The following MYCBPAP variants were observed in gnomAD, a reference collection of about 807,000 sequenced individuals.
MYCBPAP encodes the protein MYCBP associated protein, also known as MYCBP-associated protein.
Under a neutral mutation model 106.1 loss-of-function variants are expected in MYCBPAP, and 60 were observed. The ratio of observed to expected loss-of-function variants is 0.57; its 90% confidence interval spans 0.46 to 0.70. The LOEUF (loss-of-function observed/expected upper bound fraction) is 0.70, where lower values mean the gene tolerates loss of function less well. Ranked by LOEUF, MYCBPAP falls within the 30% of genes least tolerant of loss-of-function variation. MYCBPAP has a pLI of 0.00. For missense variants in MYCBPAP, 1,064 were observed against 1,169.3 expected, an observed-to-expected ratio of 0.91 and a Z score of 1.31; for synonymous variants, 407 against 440.6, an observed-to-expected ratio of 0.92 and a Z score of 0.95.
chr17:50,524,905 C>G lies in MYCBPAP; in HGVS notation c.1664C>G (p.Thr555Ser). 1.2e-6 allele frequency: 2 copies of G among 1,613,972 alleles called. 1 individual carries two copies. The highest frequency in any genetic ancestry group is 2.2e-5 in the South Asian group (2 of 91,078). ...AAGCTGACTGCCCATGAGGCAGTCA[C>G]CGTCGTTCGCGAAGTGCTGCAGGAG... ...ESKLTAHEAVTVVREVLQELL... is the reference protein window; with the variant it reads ...ESKLTAHEAVSVVREVLQELL... The change falls in exon 13 of 19, where the codon ACC becomes AGC. Residue 555 changes from threonine to serine, a missense_variant. Coordinates refer to ENST00000323776, the MANE Select transcript of MYCBPAP (RefSeq NM_032133.6).
Position 50,510,511 on chromosome 17 carries a change from A to C in MYCBPAP, c.76+1761A>C, listed in dbSNP as rs756585852. ...TGTGTGTGTGTGTGTATATATATAT[A>C]TATATATATATATATATATATATAT... On this transcript the variant is annotated intron_variant, in intron 1 of 18. Coordinates refer to ENST00000323776, the MANE Select transcript of MYCBPAP (RefSeq NM_032133.6). 160 of 99,214 alleles carry C rather than the reference A, an allele frequency of 1.6e-3. 3 individuals are homozygous for C. Among genetic ancestry groups the C allele is most frequent in the African/African-American group, 7.8e-3 (152 of 19,514 alleles). The allele number at this position is 99,214 out of a possible 1,614,324, so 6.1% of individuals were successfully genotyped here. A position where few individuals can be genotyped will look rare whatever the true frequency, so the allele number is the denominator to read the frequency against.
intron 10 of MYCBPAP, 40 bp from the exon 11 acceptor site, chr17:50,522,899 G>T (rs1309273567): frequency 6.3e-7 from 1 of 1,588,564 alleles, no homozygotes. Flanking sequence ...TCTAGGCCAG[G>T]GTTTGCAGCA....
At position 50,527,333 on chromosome 17, in the gene MYCBPAP, T is replaced by C; in HGVS notation, c.2216T>C (p.Met739Thr). 6.2e-7 allele frequency: 1 copy of C among 1,614,082 alleles called. No homozygotes were observed. The change falls in exon 15 of 19, where the codon ATG becomes ACG. Residue 739 changes from methionine (M) to threonine (T), a missense_variant. Transcript: ENST00000323776. ...PDENHREDAL[M>T]RLNKAALELC... ...GAGAACCACAGAGAGGATGCGTTGA[T>C]GAGGCTCAACAAAGCAGCCCTGGAG...
Position 50,525,026 on chromosome 17 carries a change from G to A in MYCBPAP, c.1782+3G>A, listed in dbSNP as rs758986943. ...TGTTCCGGCACAGAAATCCTCCGGTGAGGCCCAGCGCCAGCCCCTGCCCCC... is the reference window on the plus strand; with the variant it reads ...TGTTCCGGCACAGAAATCCTCCGGTAAGGCCCAGCGCCAGCCCCTGCCCCC... On this transcript the variant is annotated splice_donor_region_variant and intron_variant, in intron 13 of 18. Coordinates refer to ENST00000323776, the MANE Select transcript of MYCBPAP (RefSeq NM_032133.6). The A allele has an allele frequency of 1.9e-6, 3 of 1,611,506 alleles. No homozygotes were observed. The highest frequency in any genetic ancestry group is 2.5e-6 in the Non-Finnish European group (3 of 1,178,532).
chr17:50,512,939 G>A (rs2033908036), intron 1 of MYCBPAP, among the ~76,000 whole-genome samples: 1 of 152,046 alleles, frequency 6.6e-6, no homozygotes, highest in African/African-American at 2.4e-5. Flanking sequence ...TTGGGCGGCC[G>A]GGTGCGGTGG....
chr17:50,511,862 C>G (rs1597818700), intron 1 of MYCBPAP, among the ~76,000 whole-genome samples: 1 of 152,098 alleles, frequency 6.6e-6, no homozygotes, highest in East Asian at 1.9e-4. Flanking sequence ...CCCTGGTCTC[C>G]CCAGCTTGCC....
intron 1 of MYCBPAP, among the ~76,000 whole-genome samples, chr17:50,515,192 A>G (rs2143914809): frequency 6.8e-6 from 1 of 146,776 alleles, no homozygotes; most frequent in South Asian, 2.1e-4. Flanking sequence ...TCCCTTCCTT[A>G]GGAAGCCCTC....
chr17:50,530,094 A>G, intron 18 of MYCBPAP: 4 of 359,628 alleles, frequency 1.1e-5, no homozygotes, highest in South Asian at 8.3e-5. Flanking sequence ...GCCACTGGTG[A>G]CATCACTAAG....
Position 50,527,290 on chromosome 17 carries a change from G to A in MYCBPAP, c.2173G>A (p.Val725Met), listed in dbSNP as rs1257769728. The change falls in exon 15 of 19, where the codon GTG becomes ATG. Residue 725 changes from valine (V) to methionine (M), a missense_variant. By Grantham distance (21) the Val-to-Met change is conservative (BLOSUM62 1). Transcript: ENST00000323776. ...NLCLEDFRKA[V>M]MVLPDENHRE... ...ATGGTGCCCATGACCCTGCCAGGCA[G>A]TGATGGTGCTCCCTGATGAGAACCA... 3.7e-6 allele frequency: 6 copies of A among 1,613,910 alleles called. No homozygotes were observed. The East Asian group carries it at 6.7e-5, about 18-fold the overall frequency.
At chr17:50,517,012 T>G (rs1323476372) in intron 2 of MYCBPAP, among the ~76,000 whole-genome samples, 1 of 152,182 alleles carries the variant, frequency 6.6e-6, no homozygotes, top group Non-Finnish European at 1.5e-5. Context: ...CAGCTCTGGG[T>G]AAAGCTGCTA....
In MYCBPAP at chr17:50,531,436, GC is replaced by G. The variant is rs780540500; in HGVS notation, c.*11del. ...TTGCGCCTCTGCAGGTGACTCTCGG[GC>G]CCAAGCAACCTTCTGGAAAACGGGT... On this transcript the variant is annotated 3_prime_UTR_variant, in exon 19 of 19. Coordinates refer to ENST00000323776, the MANE Select transcript of MYCBPAP (RefSeq NM_032133.6). 2.5e-6 allele frequency: 4 copies of G among 1,592,888 alleles called. No individual in the cohort carries two copies. The highest frequency in any genetic ancestry group is 3.4e-6 in the Non-Finnish European group (4 of 1,171,694).
intron 1 of MYCBPAP, among the ~76,000 whole-genome samples, chr17:50,515,209 T>TC (rs11337064): frequency 1.1e-5 from 1 of 94,264 alleles, no homozygotes; most frequent in Non-Finnish European, 2.2e-5. Context: ...CCTCCCTGAC[T>TC]CCCCCACCTC....
chr17:50,529,123 C>A lies in MYCBPAP; in HGVS notation c.2659C>A (p.Leu887Ile), dbSNP rs775627540. ...GGAAGACCCTACCCCTGACATCATC[C>A]TCTCTTCTCAAGAACCCATAGACCC... ...SLEDPTPDII[L>I]SSQEPIDPLV... The change falls in exon 18 of 19, where the codon CTC (leucine) becomes ATC (isoleucine). Residue 887 changes from leucine to isoleucine, a missense_variant. Transcript: ENST00000323776. 3 of 1,613,896 alleles carry A rather than the reference C, an allele frequency of 1.9e-6. No individual in the cohort carries two copies. In the African/African-American group the frequency reaches 4.0e-5, roughly 22 times the overall value.
chr17:50,509,130 G>T (rs903440983), intron 1 of MYCBPAP: 1 of 703,038 alleles, frequency 1.4e-6, no homozygotes, highest in East Asian at 2.7e-5. Flanking sequence ...AGGAATTGGG[G>T]TCCTTGGGAA....
intron 1 of MYCBPAP, among the ~76,000 whole-genome samples, chr17:50,514,255 T>C (rs957209657): frequency 3.3e-5 from 5 of 152,188 alleles, no homozygotes; most frequent in Admixed American, 2.6e-4. Context: ...ACCAACTCTA[T>C]GGAAATTTCC....
chr17:50,517,325 T>C lies in MYCBPAP; in HGVS notation c.237T>C (p.Asp79=). ...QHIPRLTEKE[D]KRVITQKFII... is the part of the protein sequence containing the mutation. ...TTCCTCGCCTTACTGAAAAGGAAGATAAACGTGTCATCACCCAGAAATTTA... is the reference window on the plus strand; with the variant it reads ...TTCCTCGCCTTACTGAAAAGGAAGACAAACGTGTCATCACCCAGAAATTTA... The change falls in exon 3 of 19, where the codon GAT becomes GAC. Residue 79 remains aspartate, a synonymous_variant. Transcript: ENST00000323776. The C allele has an allele frequency of 6.2e-7, 1 of 1,614,150 alleles. No individual in the cohort carries two copies. The highest frequency in any genetic ancestry group is 8.5e-7 in the Non-Finnish European group (1 of 1,180,026).
intron 1 of MYCBPAP, among the ~76,000 whole-genome samples, chr17:50,514,149 A>G (rs2033959113): frequency 6.6e-6 from 1 of 152,146 alleles, no homozygotes. Context: ...TCGGCCTCTC[A>G]AAGTGTTGGG....
intron 10 of MYCBPAP, chr17:50,522,709 A>ATAAAAAAAAAAAAATATATATATATATAT (rs1555620722): frequency 4.0e-5 from 2 of 50,016 alleles, no homozygotes; most frequent in Non-Finnish European, 6.8e-5. Context: ...AAAAAAAAAA[A>ATAAAAAAAAAAAAATATATATATATATAT]ATATATATAT....
At chr17:50,530,497 C>CAAAAAAAAAAAAACA (rs10526790) in intron 18 of MYCBPAP, among the ~76,000 whole-genome samples, 1 of 105,866 alleles carries the variant, frequency 9.4e-6, no homozygotes, top group Non-Finnish European at 1.8e-5. Context: ...CTCTTACCTC[C>CAAAAAAAAAAAAACA]AAAAAAAAAG....
Sources: allele counts gnomAD v4.1 joint callset (sites outside exome capture counted in the v4.1 genomes callset), GRCh38; gene constraint gnomAD v4.1.1; transcripts MANE v1.5; gene names NCBI Gene and HGNC (gene_info 2026-07-23, HGNC 2026-07-21).